The following CAP2 variants were observed in gnomAD, a reference collection of about 807,000 sequenced individuals.
CAP2 encodes the protein adenylyl cyclase-associated protein 2.
A neutral mutation model predicts 57.7 loss-of-function variants in CAP2; 24 were observed. That is an observed-to-expected ratio of 0.42 (90% CI 0.30 to 0.58). The LOEUF (loss-of-function observed/expected upper bound fraction) is 0.58, where lower values mean the gene tolerates loss of function less well. Among genes scored for constraint, CAP2 ranks in the 20% least tolerant of loss-of-function variants. CAP2 has a pLI of 0.22. For synonymous variants in CAP2, 194 were observed against 207.2 expected (o/e 0.94, Z 0.55); for missense variants, 501 against 590.3 (o/e 0.85, Z 1.57).
rs1235734480 is a variant in CAP2, at chr6:17,499,382, G to A, written c.301-7787G>A. On this transcript the variant is annotated intron_variant, in intron 4 of 12. Transcript: ENST00000229922. ...CCATTGCACTCCAGCCTGGGTGACA[G>A]AGCAAGACTCCATCTCAAAAAAAAA... Among the ~76,000 whole-genome samples, 3 of 117,408 alleles carry A rather than the reference G, an allele frequency of 2.6e-5. No individual in the cohort carries two copies. The East Asian group carries it at 7.6e-4, about 30-fold the overall frequency. 77.0% of individuals were successfully genotyped at this position (117,408 alleles called of 152,430 possible).
In CAP2 at chr6:17,412,076, T is replaced by C. The variant is rs150350933; in HGVS notation, c.-1-9479T>C. On this transcript the variant is annotated intron_variant, in intron 1 of 12. Coordinates refer to ENST00000229922, the MANE Select transcript of CAP2 (RefSeq NM_006366.3). ...TCAGCATTCAGAGTCCTTTATTTTA[T>C]GGCTCTGCCTTACTCAGCCCCATCA... Among the ~76,000 whole-genome samples, 449 of 152,276 alleles carry C rather than the reference T, an allele frequency of 2.9e-3. 4 individuals carry two copies. The highest frequency in any genetic ancestry group is 0.01 in the African/African-American group (433 of 41,548).
intron 1 of CAP2, among the ~76,000 whole-genome samples, chr6:17,402,022 A>G (rs1342795469): frequency 6.6e-6 from 1 of 152,140 alleles, no homozygotes; most frequent in African/African-American, 2.4e-5. Context: ...TATGCTTCTT[A>G]TTTTGGTTCA....
intron 1 of CAP2, among the ~76,000 whole-genome samples, chr6:17,403,369 C>T (rs1410188917): frequency 1.3e-5 from 2 of 152,366 alleles, no homozygotes; most frequent in Admixed American, 6.5e-5. Flanking sequence ...TCCCAAAGTG[C>T]GGGGATTACT....
chr6:17,476,697 G>A (rs1457115406), intron 4 of CAP2, among the ~76,000 whole-genome samples: 1 of 152,022 alleles, frequency 6.6e-6, no homozygotes, highest in Non-Finnish European at 1.5e-5. Flanking sequence ...AGAAAGACGA[G>A]AACAACGGGA....
intron 4 of CAP2, among the ~76,000 whole-genome samples, chr6:17,466,066 C>T (rs1393930442): frequency 6.6e-6 from 1 of 152,226 alleles, no homozygotes; most frequent in Non-Finnish European, 1.5e-5. Context: ...GTCTGTCATA[C>T]ACAATCGCCA....
chr6:17,496,027 T>TGGCGAG (rs3075209), intron 4 of CAP2, among the ~76,000 whole-genome samples: 1 of 44,314 alleles, frequency 2.3e-5, no homozygotes, highest in Non-Finnish European at 3.8e-5. Flanking sequence ...CGTGTGTGGG[T>TGGCGAG]GGGGGGGGGG....
intron 3 of CAP2, among the ~76,000 whole-genome samples, chr6:17,428,819 T>G (rs1759654811): frequency 6.6e-6 from 1 of 151,860 alleles, no homozygotes; most frequent in Non-Finnish European, 1.5e-5. Context: ...CTCTTTTTGC[T>G]CCCCTCCCAA....
chr6:17,511,256 C>T (rs926583), intron 6 of CAP2, among the ~76,000 whole-genome samples: 18,861 of 151,854 alleles, frequency 0.12, 1,374 homozygotes, highest in East Asian at 0.23. Context: ...ACCCATTTAC[C>T]GGTGGACTCA....
At chr6:17,553,370 C>T (rs1279218168) in intron 12 of CAP2, among the ~76,000 whole-genome samples, 1 of 21,228 alleles carries the variant, frequency 4.7e-5, no homozygotes, top group African/African-American at 7.9e-5. Context: ...CTGTGGCTCA[C>T]GCCTGTAAAT....
intron 4 of CAP2, among the ~76,000 whole-genome samples, chr6:17,489,765 C>T (rs555089105): frequency 3.4e-4 from 51 of 151,978 alleles, no homozygotes; most frequent in Non-Finnish European, 6.3e-4. Flanking sequence ...TTTGCCAGAT[C>T]CCAGTCTGGA....
intron 1 of CAP2, among the ~76,000 whole-genome samples, chr6:17,417,694 A>G (rs1005913151): frequency 6.6e-6 from 1 of 152,148 alleles, no homozygotes; most frequent in African/African-American, 2.4e-5. Context: ...TTTCCTTGCC[A>G]TCGGCTTCTA....
At position 17,406,326 on chromosome 6, in the gene CAP2, G is replaced by C. The variant is rs372130488; in HGVS notation, c.-2+12580G>C. On this transcript the variant is annotated intron_variant, in intron 1 of 12. Coordinates refer to ENST00000229922, the MANE Select transcript of CAP2 (RefSeq NM_006366.3). ...GAGTAGCGAGAGGAATAAAATACCA[G>C]GAATTCTCCCCATACTCTGTGGACC... is the stretch of plus-strand genomic sequence containing the variant. Among the ~76,000 whole-genome samples, 6 of 151,822 alleles carry C rather than the reference G, an allele frequency of 4.0e-5. No individual in the cohort carries two copies. The East Asian group carries it at 1.2e-3, about 29-fold the overall frequency.
chr6:17,504,720 C>T (rs1761929950), intron 4 of CAP2, among the ~76,000 whole-genome samples: 1 of 152,184 alleles, frequency 6.6e-6, no homozygotes, highest in Non-Finnish European at 1.5e-5. Flanking sequence ...CCAGTACACA[C>T]ACAAACACAC....
At chr6:17,449,409 TA>T (rs1158911935) in intron 3 of CAP2, among the ~76,000 whole-genome samples, 4 of 152,024 alleles carry the variant, frequency 2.6e-5, no homozygotes, top group African/African-American at 9.7e-5. Context: ...ATTTTATTAT[TA>T]TTATTTTTTT....
chr6:17,504,805 A>C (rs1321852974), intron 4 of CAP2, among the ~76,000 whole-genome samples: 1 of 152,172 alleles, frequency 6.6e-6, no homozygotes, highest in Non-Finnish European at 1.5e-5. Context: ...ATGCCCTCTG[A>C]TATTTTCTAT....
intron 4 of CAP2, among the ~76,000 whole-genome samples, chr6:17,498,248 A>C (rs1362010045): frequency 1.3e-5 from 2 of 152,208 alleles, no homozygotes; most frequent in Non-Finnish European, 2.9e-5. Context: ...GGGAAGTGAC[A>C]AAAAAACGTG....
chr6:17,393,989 G>T (rs1179044212), intron 1 of CAP2, among the ~76,000 whole-genome samples: 1 of 148,488 alleles, frequency 6.7e-6, no homozygotes, highest in Non-Finnish European at 1.5e-5. Context: ...CAGCGGAGCG[G>T]CGCGCCCTGC....
intron 7 of CAP2, chr6:17,531,164 A>G: frequency 1.3e-6 from 1 of 765,682 alleles, no homozygotes; most frequent in South Asian, 1.3e-5. Flanking sequence ...TGATTTTGCC[A>G]TAACCACACT....
In CAP2 at chr6:17,456,326, G is replaced by A. The variant is rs184095123; in HGVS notation, c.223-6670G>A. ...TCTTATTCTGAAAAGATACAGAAAC[G>A]GGGTTGGTGCTTATGTTCATGTTTA... On this transcript the variant is annotated intron_variant, in intron 3 of 12. Transcript: ENST00000229922. Among the ~76,000 whole-genome samples, 66 of 152,286 alleles carry A rather than the reference G, an allele frequency of 4.3e-4. No individual in the cohort carries two copies. In the East Asian group the frequency reaches 8.7e-3, roughly 20 times the overall value.
Sources: gnomAD v4.1 joint callset for allele counts (sites outside exome capture counted in the v4.1 genomes callset) on GRCh38, gnomAD v4.1.1 for gene constraint, MANE v1.5 for transcripts, NCBI Gene and HGNC (gene_info 2026-07-23, HGNC 2026-07-21) for gene names.